The following CNTN5 variants were observed in gnomAD, a reference collection of about 807,000 sequenced individuals.
CNTN5 encodes the protein contactin 5, also known as contactin-5.
CNTN5 carries 77 observed loss-of-function variants against 129.1 expected under a neutral mutation model. That is an observed-to-expected ratio of 0.60 (90% CI 0.50 to 0.72). CNTN5 has a LOEUF of 0.72. Ranked by LOEUF, CNTN5 falls within the 30% of genes least tolerant of loss-of-function variation. The pLI, the probability that CNTN5 is intolerant of heterozygous loss-of-function variation, is 0.00. For synonymous variants in CNTN5, 509 were observed against 465.6 expected (o/e 1.09, Z -1.20); for missense variants, 1,478 against 1,328.8 (o/e 1.11, Z -1.75).
intron 3 of CNTN5, among the ~76,000 whole-genome samples, chr11:99,575,212 A>G (rs1949306066): frequency 6.6e-6 from 1 of 152,216 alleles, no homozygotes; most frequent in Non-Finnish European, 1.5e-5. Flanking sequence ...AATATTTACT[A>G]AAATATGTAA....
At chr11:99,419,266 G>A (rs1424837093) in intron 2 of CNTN5, among the ~76,000 whole-genome samples, 1 of 152,160 alleles carries the variant, frequency 6.6e-6, no homozygotes, top group Non-Finnish European at 1.5e-5. Flanking sequence ...CTCTGGAGAT[G>A]TAAATAGACC....
intron 1 of CNTN5, among the ~76,000 whole-genome samples, chr11:99,022,865 T>C (rs1295810386): frequency 8.5e-5 from 13 of 152,190 alleles, no homozygotes; most frequent in Admixed American, 7.9e-4. Flanking sequence ...CTTTAAATTA[T>C]TTAAAACTTC....
At chr11:99,126,319 A>C (rs1858631220) in intron 1 of CNTN5, among the ~76,000 whole-genome samples, 1 of 152,150 alleles carries the variant, frequency 6.6e-6, no homozygotes, top group South Asian at 2.1e-4. Flanking sequence ...TTCTATCCCC[A>C]AATCTCTGCT....
intron 2 of CNTN5, among the ~76,000 whole-genome samples, chr11:99,397,271 A>C (rs2136201854): frequency 6.6e-6 from 1 of 151,944 alleles, no homozygotes; most frequent in East Asian, 1.9e-4. Flanking sequence ...TACAATTCTC[A>C]TCATATCAAA....
chr11:100,110,963 C>T (rs1257935282), intron 13 of CNTN5, among the ~76,000 whole-genome samples: 2 of 151,520 alleles, frequency 1.3e-5, no homozygotes, highest in Non-Finnish European at 2.9e-5. Flanking sequence ...GATTTCAAGT[C>T]CTGTCCTTCA....
At chr11:99,583,665 C>A (rs1349429020) in intron 3 of CNTN5, among the ~76,000 whole-genome samples, 1 of 152,200 alleles carries the variant, frequency 6.6e-6, no homozygotes, top group Admixed American at 6.5e-5. Flanking sequence ...TTTGTTAAGC[C>A]CGTTGGAAAA....
intron 16 of CNTN5, among the ~76,000 whole-genome samples, chr11:100,246,637 A>G (rs900162474): frequency 1.3e-5 from 2 of 152,136 alleles, no homozygotes; most frequent in African/African-American, 4.8e-5. Flanking sequence ...AGAAAGGTGG[A>G]TATCTAATTA....
chr11:99,383,632 C>T (rs1940741636), intron 2 of CNTN5, among the ~76,000 whole-genome samples: 1 of 151,136 alleles, frequency 6.6e-6, no homozygotes. Flanking sequence ...ACTCACATAA[C>T]TATAGAAATT....
At chr11:100,105,082 A>T (rs575002437) in intron 13 of CNTN5, among the ~76,000 whole-genome samples, 2 of 152,340 alleles carry the variant, frequency 1.3e-5, no homozygotes, top group South Asian at 4.1e-4. Flanking sequence ...TTGGAAATGT[A>T]GATTTTATAA....
chr11:99,839,251 A>G (rs1453896263), intron 4 of CNTN5, among the ~76,000 whole-genome samples: 1 of 152,194 alleles, frequency 6.6e-6, no homozygotes, highest in Non-Finnish European at 1.5e-5. Flanking sequence ...CAGTTTACCT[A>G]ATGGTAAGTC....
At chr11:99,214,837 C>A (rs1261649091) in intron 1 of CNTN5, among the ~76,000 whole-genome samples, 1 of 152,066 alleles carries the variant, frequency 6.6e-6, no homozygotes, top group Non-Finnish European at 1.5e-5. Flanking sequence ...AACTCAGCTA[C>A]CCTCCTGATG....
At chr11:99,471,947 G>A (rs1945192925) in intron 2 of CNTN5, among the ~76,000 whole-genome samples, 2 of 152,020 alleles carry the variant, frequency 1.3e-5, no homozygotes, top group Non-Finnish European at 1.5e-5. Flanking sequence ...AATGAATTAA[G>A]TTTCTATATG....
intron 3 of CNTN5, among the ~76,000 whole-genome samples, chr11:99,601,612 T>G (rs1422586287): frequency 6.6e-6 from 1 of 152,196 alleles, no homozygotes; most frequent in East Asian, 1.9e-4. Flanking sequence ...CAAAGCAAAC[T>G]TTACTAAACA....
chr11:100,044,928 A>G (rs1456957237), intron 9 of CNTN5, among the ~76,000 whole-genome samples: 1 of 152,058 alleles, frequency 6.6e-6, no homozygotes. Flanking sequence ...ACAATTGACT[A>G]CATAATCTCT....
At chr11:99,668,917 T>G (rs1952914766) in intron 3 of CNTN5, among the ~76,000 whole-genome samples, 1 of 152,160 alleles carries the variant, frequency 6.6e-6, no homozygotes, top group Non-Finnish European at 1.5e-5. Flanking sequence ...CACCTCATTT[T>G]GTGTTGCATG....
chr11:99,141,089 C>A lies in CNTN5; in HGVS notation c.-210+119819C>A, dbSNP rs960464340. On this transcript the variant is annotated intron_variant, in intron 1 of 24. Transcript: ENST00000524871. ...GGATTAGTACTAGCTCTTTCTTATA[C>A]AACTGGTAGATTTTGGCTGTGAATG... 3.9e-5 allele frequency among the ~76,000 whole-genome samples: 6 copies of A among 152,238 alleles called. 1 individual carries two copies. Among genetic ancestry groups the A allele is most frequent in the Admixed American group, 3.3e-4 (5 of 15,294 alleles).
chr11:100,314,913 T>G (rs1396152169), intron 21 of CNTN5, among the ~76,000 whole-genome samples: 1 of 152,204 alleles, frequency 6.6e-6, no homozygotes, highest in East Asian at 1.9e-4. Flanking sequence ...TCTCATTTAT[T>G]ATTTATTTAA....
chr11:99,786,026 A>G (rs1475855873), intron 3 of CNTN5, among the ~76,000 whole-genome samples: 1 of 150,348 alleles, frequency 6.7e-6, no homozygotes, highest in Non-Finnish European at 1.5e-5. Flanking sequence ...AAGAGAAAGA[A>G]ATAAAGGGCA....
chr11:99,140,003 T>C (rs1485917890), intron 1 of CNTN5, among the ~76,000 whole-genome samples: 1 of 152,172 alleles, frequency 6.6e-6, no homozygotes, highest in Admixed American at 6.5e-5. Context: ...TCTCCGTTTT[T>C]GTCACTTTAC....
Sources: allele counts gnomAD v4.1 joint callset (sites outside exome capture counted in the v4.1 genomes callset), GRCh38; gene constraint gnomAD v4.1.1; transcripts MANE v1.5; gene names NCBI Gene and HGNC (gene_info 2026-07-23, HGNC 2026-07-21).